The following RPSA2 variants were observed in gnomAD, a reference collection of about 807,000 sequenced individuals.
The protein encoded by RPSA2 is ribosomal protein SA 2.
the RPSA2 span, among the ~76,000 whole-genome samples, chr19:23,761,921 T>TCTCTCTCTCTCTCTCTC: frequency 1.1e-4 from 8 of 76,140 alleles, 1 homozygote; most frequent in African/African-American, 2.1e-4. Flanking sequence ...TCTTTCTTTC[T>TCTCTCTCTCTCTCTCTC]TTTTTTTTTT....
chr19:23,859,773 GC>G, the RPSA2 span, among the ~76,000 whole-genome samples: 1 of 152,090 alleles, frequency 6.6e-6, no homozygotes, highest in Non-Finnish European at 1.5e-5. Context: ...TCTCCATTCA[GC>G]TCCCAGTGTC....
the RPSA2 span, among the ~76,000 whole-genome samples, chr19:23,856,813 A>G: frequency 2.6e-5 from 4 of 152,144 alleles, no homozygotes; most frequent in Non-Finnish European, 4.4e-5. Flanking sequence ...TAAGGATTTC[A>G]AAAGGGGAGG....
chr19:23,857,066 G>A, the RPSA2 span, among the ~76,000 whole-genome samples: 17 of 152,078 alleles, frequency 1.1e-4, no homozygotes, highest in Admixed American at 2.6e-4. Context: ...TATCTCAATC[G>A]CATAGAACAG....
chr19:23,832,389 C>T, the RPSA2 span: 2 of 503,894 alleles, frequency 4.0e-6, no homozygotes, highest in Admixed American at 4.3e-5. Context: ...AGAAACCCTA[C>T]AAATGTGAAG....
the RPSA2 span, among the ~76,000 whole-genome samples, chr19:23,769,572 G>A: frequency 6.6e-6 from 1 of 152,192 alleles, no homozygotes; most frequent in Non-Finnish European, 1.5e-5. Flanking sequence ...TCAAATTCCT[G>A]ACCTCAAGTG....
At chr19:23,797,871 G>C in the RPSA2 span, among the ~76,000 whole-genome samples, 1 of 152,170 alleles carries the variant, frequency 6.6e-6, no homozygotes, top group Non-Finnish European at 1.5e-5. Flanking sequence ...AACATGTTTA[G>C]AGACCTAGCT....
the RPSA2 span, chr19:23,758,652 A>T: frequency 6.3e-7 from 1 of 1,595,214 alleles, no homozygotes; most frequent in Non-Finnish European, 8.6e-7. Flanking sequence ...GGCGAGGAGA[A>T]CTCAGGGCGC....
the RPSA2 span, among the ~76,000 whole-genome samples, chr19:23,867,324 C>T: frequency 3.3e-5 from 5 of 152,142 alleles, no homozygotes; most frequent in South Asian, 8.3e-4. Context: ...TCCGGATGGA[C>T]AATCATGTAC....
the RPSA2 span, chr19:23,827,380 T>A: frequency 2.7e-6 from 4 of 1,504,996 alleles, no homozygotes; most frequent in Non-Finnish European, 3.7e-6. Context: ...ACCCTGCTGA[T>A]GTCAGTGTTA....
the RPSA2 span, among the ~76,000 whole-genome samples, chr19:23,820,824 G>A: frequency 7.9e-5 from 12 of 152,154 alleles, no homozygotes; most frequent in Non-Finnish European, 1.5e-4. Context: ...AGTTTCTGTG[G>A]GCAGAGACTG....
the RPSA2 span, among the ~76,000 whole-genome samples, chr19:23,800,236 G>A: frequency 6.6e-6 from 1 of 151,424 alleles, no homozygotes; most frequent in Non-Finnish European, 1.5e-5. Flanking sequence ...TAGAGATGGG[G>A]TTTCACCGTG....
chr19:23,764,443 G>A, the RPSA2 span, among the ~76,000 whole-genome samples: 1 of 152,164 alleles, frequency 6.6e-6, no homozygotes, highest in Non-Finnish European at 1.5e-5. Context: ...TTACACTGCA[G>A]TGGATGGCAG....
chr19:23,853,923 T>G, the RPSA2 span, among the ~76,000 whole-genome samples: 1 of 152,156 alleles, frequency 6.6e-6, no homozygotes, highest in South Asian at 2.1e-4. Flanking sequence ...GAGGAAATAA[T>G]AGAAACATCA....
chr19:23,809,606 C>T, the RPSA2 span: 3 of 151,902 alleles, frequency 2.0e-5, no homozygotes, highest in Non-Finnish European at 4.4e-5. Context: ...TTAATTATTT[C>T]ATTGCTATTG....
chr19:23,805,743 A>C, the RPSA2 span, among the ~76,000 whole-genome samples: 20 of 152,266 alleles, frequency 1.3e-4, no homozygotes, highest in Non-Finnish European at 2.9e-4. Context: ...CTGGATTGCC[A>C]TGTGCTTAGT....
At chr19:23,770,682 C>T in the RPSA2 span, among the ~76,000 whole-genome samples, 1 of 152,110 alleles carries the variant, frequency 6.6e-6, no homozygotes, top group South Asian at 2.1e-4. Context: ...TTTTTCCTGC[C>T]TGGTCCTTGC....
the RPSA2 span, among the ~76,000 whole-genome samples, chr19:23,772,503 T>C: frequency 6.6e-6 from 1 of 152,060 alleles, no homozygotes; most frequent in African/African-American, 2.4e-5. Flanking sequence ...TTAGAAGAAA[T>C]AGTGTCTCTC....
the RPSA2 span, among the ~76,000 whole-genome samples, chr19:23,859,264 C>G: frequency 6.6e-6 from 1 of 152,102 alleles, no homozygotes; most frequent in Non-Finnish European, 1.5e-5. Context: ...CTTCCAGTAA[C>G]AGTGTTAGAA....
chr19:23,822,856 C>T, the RPSA2 span, among the ~76,000 whole-genome samples: 1 of 152,194 alleles, frequency 6.6e-6, no homozygotes, highest in African/African-American at 2.4e-5. Flanking sequence ...CTGGTTTCTC[C>T]TGTCTTTCCT....
Sources: allele counts gnomAD v4.1 joint callset (sites outside exome capture counted in the v4.1 genomes callset), GRCh38; gene constraint gnomAD v4.1.1; transcripts MANE v1.5; gene names NCBI Gene and HGNC (gene_info 2026-07-23, HGNC 2026-07-21).